PTPRD: variants seen among roughly 807,000 people sequenced by gnomAD.
PTPRD encodes protein tyrosine phosphatase receptor type D, also known as receptor-type tyrosine-protein phosphatase delta.
In PTPRD, 34 loss-of-function variants were observed where a neutral mutation model predicts 214.5. That is an observed-to-expected ratio of 0.16 (90% confidence interval 0.12 to 0.21). The LOEUF is 0.21. Ranked by LOEUF, PTPRD falls within the 10% of genes least tolerant of loss-of-function variation. The pLI, the probability that PTPRD is intolerant of heterozygous loss-of-function variation, is 1.00. For synonymous variants in PTPRD, 1,128 were observed against 845.7 expected, an observed-to-expected ratio of 1.33 and a Z score of -5.79; for missense variants, 2,545 against 2,398.7, an observed-to-expected ratio of 1.06 and a Z score of -1.27.
chr9:10,480,117 AC>A (rs1431607052), intron 2 of PTPRD, among the ~76,000 whole-genome samples: 1 of 104,200 alleles, frequency 9.6e-6, no homozygotes, highest in Non-Finnish European at 2.1e-5. Context: ...CAGGGAGAAA[AC>A]AAAAAACAAA....
intron 10 of PTPRD, among the ~76,000 whole-genome samples, chr9:9,120,148 A>G (rs1459954756): frequency 2.0e-5 from 3 of 152,216 alleles, no homozygotes; most frequent in Non-Finnish European, 4.4e-5. Context: ...ATCTACTGGA[A>G]ATTCACAGTG....
chr9:10,557,732 C>A (rs540476271), intron 2 of PTPRD, among the ~76,000 whole-genome samples: 1 of 152,208 alleles, frequency 6.6e-6, no homozygotes, highest in South Asian at 2.1e-4. Flanking sequence ...CTTAGAAAAA[C>A]GTAGGCAGCT....
chr9:10,532,181 T>A (rs1457929253), intron 2 of PTPRD: 1 of 152,096 alleles, frequency 6.6e-6, no homozygotes, highest in African/African-American at 2.4e-5. Flanking sequence ...TGCATCCAAC[T>A]ATGATAAATT....
chr9:9,495,778 C>T (rs1281311537), intron 8 of PTPRD, among the ~76,000 whole-genome samples: 1 of 152,174 alleles, frequency 6.6e-6, no homozygotes, highest in African/African-American at 2.4e-5. Flanking sequence ...AGTGCAGGTA[C>T]CCAAAACTGT....
rs575101311 is a variant in PTPRD at position 10,465,463 on chromosome 9, C to T, written c.-599-124446G>A. Among the ~76,000 whole-genome samples, 13 of 152,228 alleles carry T rather than the reference C, an allele frequency of 8.5e-5. No individual in the cohort carries two copies. The East Asian group carries it at 2.1e-3, about 25-fold the overall frequency. On this transcript the variant is annotated intron_variant, in intron 2 of 45. Transcript: ENST00000381196. ...ATATATAGGCTTACCACAATTCCAC[C>T]TACTAAAGAGTGTCGTCATGTGCCA...
At chr9:9,901,480 A>C (rs967535845) in intron 5 of PTPRD, among the ~76,000 whole-genome samples, 1 of 152,060 alleles carries the variant, frequency 6.6e-6, no homozygotes, top group Non-Finnish European at 1.5e-5. Flanking sequence ...TTAACACAGT[A>C]ATTTCTGATA....
intron 8 of PTPRD, among the ~76,000 whole-genome samples, chr9:9,405,607 C>G (rs1373237379): frequency 6.6e-6 from 1 of 151,930 alleles, no homozygotes; most frequent in Non-Finnish European, 1.5e-5. Flanking sequence ...TGTGCTTTAG[C>G]TAAGTTATAG....
rs551807473 is a variant in PTPRD at position 9,529,134 on chromosome 9, A to G, written c.-237+45598T>C. Among the ~76,000 whole-genome samples the G allele has an allele frequency of 4.6e-4, 70 of 151,888 alleles. 2 individuals are homozygous for G. The highest frequency in any genetic ancestry group is 4.2e-4 in the South Asian group (2 of 4,806). ...TCTTTGATAGAGATGGGGTTTCACC[A>G]TGTTAGCCAGACTGGTCTCGAACTC... On this transcript the variant is annotated intron_variant, in intron 8 of 45. Transcript: ENST00000381196.
chr9:9,890,869 C>A (rs1002990949), intron 5 of PTPRD, among the ~76,000 whole-genome samples: 2 of 152,164 alleles, frequency 1.3e-5, no homozygotes, highest in African/African-American at 4.8e-5. Flanking sequence ...TCTCTTCTCT[C>A]TTATCCTATT....
At chr9:9,133,054 A>G (rs2099845267) in intron 10 of PTPRD, among the ~76,000 whole-genome samples, 1 of 152,176 alleles carries the variant, frequency 6.6e-6, no homozygotes, top group Admixed American at 6.5e-5. Context: ...TAATAATATT[A>G]TTTCTCATCT....
intron 11 of PTPRD, among the ~76,000 whole-genome samples, chr9:9,000,900 T>C (rs965361535): frequency 2.6e-5 from 4 of 151,940 alleles, no homozygotes; most frequent in Non-Finnish European, 5.9e-5. Context: ...ATACTCACAA[T>C]GGAGAGGTAG....
chr9:8,532,985 A>G (rs767962574), intron 14 of PTPRD, among the ~76,000 whole-genome samples: 1 of 152,182 alleles, frequency 6.6e-6, no homozygotes, highest in African/African-American at 2.4e-5. Context: ...CCTACCCAGG[A>G]CTTGAAAGGA....
At chr9:9,596,273 T>C (rs2093345868) in intron 7 of PTPRD, among the ~76,000 whole-genome samples, 1 of 152,006 alleles carries the variant, frequency 6.6e-6, no homozygotes, top group African/African-American at 2.4e-5. Context: ...TAAAATAGCA[T>C]ATCAATAGAA....
chr9:10,301,275 A>G lies in PTPRD; in HGVS notation c.-545+39688T>C, dbSNP rs150178318. 5.3e-3 allele frequency among the ~76,000 whole-genome samples: 810 copies of G among 152,274 alleles called. 17 individuals carry two copies. The highest frequency in any genetic ancestry group is 0.038 in the East Asian group (198 of 5,162). On this transcript the variant is annotated intron_variant, in intron 3 of 45. Coordinates refer to ENST00000381196, the MANE Select transcript of PTPRD (RefSeq NM_002839.4). ...ACCCCATCCGAAGGTCACCAACATC[A>G]AAGACCAAAGGTAGATAAATCCACA...
intron 9 of PTPRD, among the ~76,000 whole-genome samples, chr9:9,247,002 G>C (rs1199311107): frequency 6.6e-6 from 1 of 151,578 alleles, no homozygotes; most frequent in African/African-American, 2.4e-5. Context: ...TTTTCCCCGA[G>C]TGACTCATAG....
At chr9:8,775,522 GC>G (rs1418867396) in intron 11 of PTPRD, among the ~76,000 whole-genome samples, 2 of 151,922 alleles carry the variant, frequency 1.3e-5, no homozygotes, top group African/African-American at 4.8e-5. Context: ...TGGATTGGGA[GC>G]AAAAAAAACT....
chr9:8,371,800 G>A (rs1201675760), intron 39 of PTPRD, among the ~76,000 whole-genome samples: 2 of 152,088 alleles, frequency 1.3e-5, no homozygotes, highest in Non-Finnish European at 2.9e-5. Flanking sequence ...ATCAGGTAGA[G>A]AAGGGGAATT....
At chr9:8,871,194 A>G (rs2098294117) in intron 11 of PTPRD, among the ~76,000 whole-genome samples, 1 of 152,216 alleles carries the variant, frequency 6.6e-6, no homozygotes, top group Non-Finnish European at 1.5e-5. Context: ...CATACAACCA[A>G]AACAAATAAA....
chr9:10,115,127 A>T (rs917985130), intron 3 of PTPRD, among the ~76,000 whole-genome samples: 1 of 152,020 alleles, frequency 6.6e-6, no homozygotes, highest in Non-Finnish European at 1.5e-5. Flanking sequence ...CAGAAGCAGT[A>T]AAAATACGAG....
Sources: allele counts gnomAD v4.1 joint callset (sites outside exome capture counted in the v4.1 genomes callset), GRCh38; gene constraint gnomAD v4.1.1; transcripts MANE v1.5; gene names NCBI Gene and HGNC (gene_info 2026-07-23, HGNC 2026-07-21).